Variants in USP25 observed in about 807,000 individuals in gnomAD.
USP25 encodes the protein ubiquitin carboxyl-terminal hydrolase 25.
USP25 carries 85 observed loss-of-function variants against 158.5 expected under a neutral mutation model. The observed-to-expected ratio is 0.54, with a 90% confidence interval of 0.45 to 0.64. The LOEUF (loss-of-function observed/expected upper bound fraction) is 0.64, where lower values mean the gene tolerates loss of function less well. Ranked by LOEUF, USP25 falls within the 30% of genes least tolerant of loss-of-function variation. The pLI is 0.00. For synonymous variants in USP25, 464 were observed against 460.4 expected, an observed-to-expected ratio of 1.01 and a Z score of -0.10; for missense variants, 1,242 against 1,327.3, an observed-to-expected ratio of 0.94 and a Z score of 1.00.
rs113612343 is a variant in USP25, at chr21:15,816,366, G to C, written c.932-2332G>C. Among the ~76,000 whole-genome samples the C allele has an allele frequency of 2.0e-5, 3 of 152,258 alleles. No individual in the cohort carries two copies. The highest frequency in any genetic ancestry group is 7.2e-5 in the African/African-American group (3 of 41,564). ...TGGGATGTGTCTTTATCAGCAGCGT[G>C]ATAATGGACTAATACACTTTCCATA... On this transcript the variant is annotated intron_variant, in intron 9 of 25. Coordinates refer to ENST00000400183, the MANE Select transcript of USP25 (RefSeq NM_001283041.3). This position sits in a 1 kb window ranked among gnomAD's most constrained non-coding sequence, Gnocchi z 4.0.
In USP25 at chr21:15,864,289, A is replaced by C; in HGVS notation, c.2569A>C (p.Arg857=). ...CCAGGCAATTAAGTTGGAATATGCA[A>C]GGTTGGTTAAGTTGGCCCAAGAAGA... ...FFKAIKLEYA[R]LVKLAQEDTP... The change falls in exon 21 of 26, where the codon AGG becomes CGG. Residue 857 remains arginine, a synonymous_variant. Transcript: ENST00000400183. 6.2e-7 allele frequency: 1 copy of C among 1,606,948 alleles called. No individual in the cohort carries two copies.
intron 24 of USP25, 123 bp downstream of exon 24, chr21:15,874,649 A>T (rs1315637768): frequency 1.0e-6 from 1 of 994,530 alleles, no homozygotes. Context: ...TGATGTCTAT[A>T]AACTGGTTCT....
At chr21:15,821,372 A>G (rs2037227093) in intron 10 of USP25, among the ~76,000 whole-genome samples, 1 of 151,996 alleles carries the variant, frequency 6.6e-6, no homozygotes, top group Non-Finnish European at 1.5e-5. Flanking sequence ...AAAAAGAACT[A>G]TTCTGAAGAA....
chr21:15,754,731 C>G (rs2033262695), intron 1 of USP25, among the ~76,000 whole-genome samples: 1 of 152,084 alleles, frequency 6.6e-6, no homozygotes, highest in South Asian at 2.1e-4. Flanking sequence ...GCTGTGAGGA[C>G]TATACTATAG....
intron 1 of USP25, among the ~76,000 whole-genome samples, chr21:15,743,088 C>G (rs768137929): frequency 3.3e-5 from 5 of 152,248 alleles, no homozygotes; most frequent in Non-Finnish European, 7.3e-5. Context: ...CCGCTCACAG[C>G]TCCCTGAATG....
chr21:15,808,515 T>A (rs896206615), intron 7 of USP25, among the ~76,000 whole-genome samples: 3 of 152,014 alleles, frequency 2.0e-5, no homozygotes, highest in Admixed American at 6.6e-5. Flanking sequence ...GATTATTTTT[T>A]AAAAATCTCA....
At chr21:15,866,222 C>T (rs377346823) in intron 21 of USP25, 44 bp from the exon 22 acceptor site, 174 of 1,046,538 alleles carry the variant, frequency 1.7e-4, no homozygotes, top group Non-Finnish European at 2.0e-4. Context: ...TATATATATA[C>T]ACACACATAC....
In USP25 at chr21:15,878,495, C is replaced by G; in HGVS notation, c.*20C>G. 6.2e-7 allele frequency: 1 copy of G among 1,612,852 alleles called. No individual in the cohort carries two copies. The highest frequency in any genetic ancestry group is 2.2e-5 in the East Asian group (1 of 44,858). The stretch of plus-strand genomic sequence containing the variant: ...AGATAAACTGCACACTTTCCCTGAA[C>G]ACACTGTATAAACTCTTTTTAGTTC... On this transcript the variant is annotated 3_prime_UTR_variant, in exon 26 of 26. Transcript: ENST00000400183.
intron 22 of USP25, 43 bp downstream of exon 22, chr21:15,866,387 C>A: frequency 7.2e-7 from 1 of 1,391,956 alleles, no homozygotes; most frequent in Non-Finnish European, 9.7e-7. Flanking sequence ...TTTAGGGATT[C>A]TGTAATTCAC....
At chr21:15,867,645 A>G (rs896562541) in intron 22 of USP25, among the ~76,000 whole-genome samples, 18 of 152,158 alleles carry the variant, frequency 1.2e-4, no homozygotes, top group African/African-American at 4.3e-4. Flanking sequence ...CAACTGATGT[A>G]TTAGAACTAG....
intron 6 of USP25, 54 bp downstream of exon 6, chr21:15,799,897 T>C (rs2036046804): frequency 6.6e-6 from 8 of 1,203,632 alleles, no homozygotes; most frequent in Non-Finnish European, 9.0e-6. Context: ...TGTTCTCTTA[T>C]ATGTGATTGA....
At chr21:15,788,115 G>A (rs2035395641) in intron 4 of USP25, among the ~76,000 whole-genome samples, 4 of 151,890 alleles carry the variant, frequency 2.6e-5, no homozygotes, top group South Asian at 2.1e-4. Flanking sequence ...TTGGTATGTG[G>A]CTTGCGAGTT....
At chr21:15,825,316 A>G (rs1391328767) in intron 12 of USP25, among the ~76,000 whole-genome samples, 3 of 152,288 alleles carry the variant, frequency 2.0e-5, no homozygotes, top group East Asian at 1.9e-4. Context: ...AGTTAAATGA[A>G]TATAGTTTTG....
intron 1 of USP25, among the ~76,000 whole-genome samples, chr21:15,751,466 G>A (rs542055171): frequency 1.3e-5 from 2 of 152,266 alleles, no homozygotes; most frequent in South Asian, 4.2e-4. Context: ...TTAGTATAAG[G>A]GAGTTTATTT....
rs190331292 is a variant in USP25 at position 15,795,550 on chromosome 21, C to T, written c.555+3886C>T. Among the ~76,000 whole-genome samples, 197 of 151,614 alleles carry T rather than the reference C, an allele frequency of 1.3e-3. 1 individual carries two copies. The highest frequency in any genetic ancestry group is 3.8e-3 in the African/African-American group (158 of 41,460). ...TCTTTGTGGTTTAAGCATGATCACT[C>T]GCTTTCTAAAAGTAAGTCTAGAGAA... On this transcript the variant is annotated intron_variant, in intron 5 of 25. Coordinates refer to ENST00000400183, the MANE Select transcript of USP25 (RefSeq NM_001283041.3).
At chr21:15,814,945 G>T (rs2036859163) in intron 9 of USP25, among the ~76,000 whole-genome samples, 1 of 152,136 alleles carries the variant, frequency 6.6e-6, no homozygotes, top group Non-Finnish European at 1.5e-5. Flanking sequence ...TATGTTATAG[G>T]TCTTCCTGGC....
intron 8 of USP25, among the ~76,000 whole-genome samples, chr21:15,809,451 G>A (rs930572447): frequency 7.3e-5 from 11 of 151,110 alleles, no homozygotes; most frequent in Admixed American, 2.0e-4. Context: ...TGGCGGCTAC[G>A]AAAAAAAACG....
At chr21:15,844,969 G>A (rs928943726) in intron 18 of USP25, among the ~76,000 whole-genome samples, 26 of 152,058 alleles carry the variant, frequency 1.7e-4, no homozygotes, top group Admixed American at 1.2e-3. Flanking sequence ...CTACTCAATC[G>A]TATATTTGTG....
chr21:15,859,677 G>A (rs188553648), intron 20 of USP25, among the ~76,000 whole-genome samples: 258 of 152,198 alleles, frequency 1.7e-3, no homozygotes, highest in Non-Finnish European at 2.9e-3. Flanking sequence ...GCCTCTGAAA[G>A]CAGTTCTGGT....
Sources: gnomAD v4.1 joint callset for allele counts (sites outside exome capture counted in the v4.1 genomes callset) on GRCh38, gnomAD v4.1.1 for gene constraint, Gnocchi (gnomAD v3.1) non-coding constraint, MANE v1.5 for transcripts, NCBI Gene and HGNC (gene_info 2026-07-23, HGNC 2026-07-21) for gene names.